The following TANC1 variants were observed in gnomAD, a reference collection of about 807,000 sequenced individuals.
The protein encoded by TANC1 is tetratricopeptide repeat, ankyrin repeat and coiled-coil containing 1.
TANC1 carries 77 observed loss-of-function variants against 149.7 expected under a neutral mutation model. The observed-to-expected ratio is 0.51, with a 90% CI of 0.43 to 0.62. The LOEUF (loss-of-function observed/expected upper bound fraction) is 0.62, where lower values mean the gene tolerates loss of function less well. Among genes scored for constraint, TANC1 ranks in the 20% least tolerant of loss-of-function variants. The probability of loss-of-function intolerance (pLI) is 0.00; values close to 1 mark genes in which losing one functional copy is unlikely to be tolerated. For missense variants in TANC1, 1,985 were observed against 2,321.8 expected, an observed-to-expected ratio of 0.85 and a Z score of 2.98; for synonymous variants, 854 against 925.0, an observed-to-expected ratio of 0.92 and a Z score of 1.39.
At chr2:159,013,620 C>T (rs531266218) in intron 2 of TANC1, among the ~76,000 whole-genome samples, 12 of 152,162 alleles carry the variant, frequency 7.9e-5, no homozygotes, top group Non-Finnish European at 1.8e-4. Flanking sequence ...ATGTGCCTGA[C>T]ACAGTACCGA....
chr2:159,113,625 A>G (rs919581501), intron 4 of TANC1, among the ~76,000 whole-genome samples: 4 of 152,158 alleles, frequency 2.6e-5, no homozygotes, highest in African/African-American at 9.7e-5. Context: ...TCTCTCCTGT[A>G]TCATCCTCTT....
At chr2:159,013,271 C>T (rs17205585) in intron 2 of TANC1, among the ~76,000 whole-genome samples, 235 of 152,288 alleles carry the variant, frequency 1.5e-3, no homozygotes, top group Non-Finnish European at 3.0e-3. Context: ...CTAACCAGGA[C>T]AGTTACGTCA....
intron 8 of TANC1, among the ~76,000 whole-genome samples, chr2:159,164,372 G>A (rs775115690): frequency 2.0e-5 from 3 of 152,212 alleles, no homozygotes; most frequent in Non-Finnish European, 4.4e-5. Context: ...ATAGGAGGAT[G>A]TTTGTAGGTT....
intron 3 of TANC1, among the ~76,000 whole-genome samples, chr2:159,091,992 A>G (rs1025354011): frequency 2.0e-5 from 3 of 151,026 alleles, no homozygotes; most frequent in East Asian, 3.9e-4. Context: ...ATGTATGTAG[A>G]GTTATGTGGT....
At position 159,001,384 on chromosome 2, in the gene TANC1, G is replaced by A. The variant is rs1382496074; in HGVS notation, c.-16+195G>A. 2.0e-5 allele frequency among the ~76,000 whole-genome samples: 3 copies of A among 152,226 alleles called. No individual in the cohort carries two copies. The highest frequency in any genetic ancestry group is 4.4e-5 in the Non-Finnish European group (3 of 68,038). ...GTCAAAAGCAGAGATAGGGGAGTTA[G>A]TGTTTAATGAGTACAGAGTTTCAGT... On this transcript the variant is annotated intron_variant, in intron 2 of 26. Coordinates refer to ENST00000263635, the MANE Select transcript of TANC1 (RefSeq NM_033394.3). This position sits in a 1 kb window ranked among gnomAD's most constrained non-coding sequence, Gnocchi z 4.3.
intron 22 of TANC1, 93 bp from the exon 23 acceptor site, chr2:159,224,139 T>C (rs562560175): frequency 6.9e-7 from 1 of 1,453,082 alleles, no homozygotes; most frequent in Non-Finnish European, 9.5e-7. Context: ...GCATCTAAAA[T>C]CAGAGTGAAG....
Position 159,214,098 on chromosome 2 carries a change from C to T in TANC1, c.3245-3399C>T, listed in dbSNP as rs907894801. ...CAAGATTGCACCACTGCACTCCAGCCTGGGCAACAGAGCAAGATCCTGTCT... is the reference window on the plus strand; with the variant it reads ...CAAGATTGCACCACTGCACTCCAGCTTGGGCAACAGAGCAAGATCCTGTCT... On this transcript the variant is annotated intron_variant, in intron 19 of 26. Transcript: ENST00000263635. Among the ~76,000 whole-genome samples, 10 of 128,364 alleles carry T rather than the reference C, an allele frequency of 7.8e-5. No homozygotes were observed. The Admixed American group carries it at 9.2e-4, about 12-fold the overall frequency. The allele number at this position is 128,364 out of a possible 152,430, so 84.2% of individuals were successfully genotyped here.
intron 11 of TANC1, among the ~76,000 whole-genome samples, chr2:159,172,875 G>C (rs1021193722): frequency 6.6e-6 from 1 of 152,192 alleles, no homozygotes; most frequent in African/African-American, 2.4e-5. Context: ...AGTGGTGTGA[G>C]TCGGTGGAGC....
chr2:159,133,360 T>C (rs201588774), intron 4 of TANC1, among the ~76,000 whole-genome samples: 1 of 82,314 alleles, frequency 1.2e-5, no homozygotes, highest in African/African-American at 3.7e-5. Context: ...TTTTTTTTTC[T>C]CTTTTTTTGT....
At chr2:159,007,249 C>T (rs1208877665) in intron 2 of TANC1, among the ~76,000 whole-genome samples, 3 of 148,192 alleles carry the variant, frequency 2.0e-5, no homozygotes, top group Non-Finnish European at 4.4e-5. Flanking sequence ...CTGGTTCAAG[C>T]GATTCTTCTG....
intron 4 of TANC1, among the ~76,000 whole-genome samples, 190 bp from the exon 5 acceptor site, chr2:159,136,000 TTTTG>T (rs1434954444): frequency 6.0e-4 from 57 of 94,840 alleles, no homozygotes; most frequent in African/African-American, 1.7e-3. Flanking sequence ...TGTACTGAAA[TTTTG>T]TGTGTGTGTG....
chr2:159,051,109 C>A (rs1226639739), intron 2 of TANC1, among the ~76,000 whole-genome samples: 1 of 152,146 alleles, frequency 6.6e-6, no homozygotes, highest in Non-Finnish European at 1.5e-5. Context: ...TTACATCCAC[C>A]GTCTCTAATT....
chr2:159,025,560 A>G (rs2039269124), intron 2 of TANC1, among the ~76,000 whole-genome samples: 1 of 152,158 alleles, frequency 6.6e-6, no homozygotes, highest in Non-Finnish European at 1.5e-5. Flanking sequence ...AATGAGGATA[A>G]TTCCCTAATA....
At chr2:159,138,247 G>A (rs920791249) in intron 5 of TANC1, among the ~76,000 whole-genome samples, 3 of 152,046 alleles carry the variant, frequency 2.0e-5, no homozygotes, top group Non-Finnish European at 4.4e-5. Flanking sequence ...TAAGAAGCAG[G>A]GTATGTTTTC....
intron 1 of TANC1, among the ~76,000 whole-genome samples, chr2:158,995,015 A>G (rs913107186): frequency 6.6e-6 from 1 of 152,194 alleles, no homozygotes; most frequent in African/African-American, 2.4e-5. Context: ...AATTTTTGCC[A>G]TTTCCAGACT....
At chr2:159,163,190 C>G in intron 7 of TANC1, 93 bp from the exon 8 acceptor site, 2 of 1,281,184 alleles carry the variant, frequency 1.6e-6, no homozygotes, top group Non-Finnish European at 2.2e-6. Context: ...GGAAAACTTT[C>G]CATTGATCCT....
intron 16 of TANC1, among the ~76,000 whole-genome samples, chr2:159,193,201 T>C (rs1477178939): frequency 6.6e-6 from 1 of 152,198 alleles, no homozygotes; most frequent in Non-Finnish European, 1.5e-5. Context: ...ATATATCTCA[T>C]AAGTAGTTTC....
At position 159,230,713 on chromosome 2, in the gene TANC1, C is replaced by T; in HGVS notation, c.5287C>T (p.Gln1763Ter). Reference protein sequence around the residue: ...LTNTSSAAGLQSANTEKPSLM... With the variant: ...LTNTSSAAGL ...AAACACGTCTTCTGCAGCTGGCCTG[C>T]AGTCTGCTAACACTGAGAAGCCCTC... Residue 1763 changes from glutamine (Q) to a stop codon, truncating the protein, a stop_gained, in exon 27 of 27, where the codon CAG becomes TAG. Coordinates refer to ENST00000263635, the MANE Select transcript of TANC1 (RefSeq NM_033394.3). LOFTEE classifies it high-confidence loss of function. This position sits in a 1 kb window ranked among gnomAD's most constrained non-coding sequence, Gnocchi z 4.4. 3.1e-6 allele frequency: 5 copies of T among 1,614,212 alleles called. No individual in the cohort carries two copies. The highest frequency in any genetic ancestry group is 4.2e-6 in the Non-Finnish European group (5 of 1,180,042).
chr2:159,126,513 T>A (rs143339715), intron 4 of TANC1, among the ~76,000 whole-genome samples: 1 of 152,314 alleles, frequency 6.6e-6, no homozygotes, highest in East Asian at 1.9e-4. Context: ...TAATACTAAT[T>A]AACAAAGTCA....
Sources: gnomAD v4.1 joint callset for allele counts (sites outside exome capture counted in the v4.1 genomes callset) on GRCh38, gnomAD v4.1.1 for gene constraint, Gnocchi (gnomAD v3.1) non-coding constraint, MANE v1.5 for transcripts, NCBI Gene and HGNC (gene_info 2026-07-23, HGNC 2026-07-21) for gene names.